The following ZNF276 variants were observed in gnomAD, a reference collection of about 807,000 sequenced individuals.
ZNF276 encodes centromere protein Z.
ZNF276 carries 59 observed loss-of-function variants against 63.9 expected under a neutral mutation model. The ratio of observed to expected loss-of-function variants is 0.92; its 90% CI spans 0.75 to 1.15. The LOEUF (loss-of-function observed/expected upper bound fraction) is 1.15. ZNF276 is among the 50% of genes most tolerant of loss of function. The pLI, the probability that ZNF276 is intolerant of heterozygous loss-of-function variation, is 0.00. For missense variants in ZNF276, 1,084 were observed against 843.8 expected (o/e 1.28, Z -3.53); for synonymous variants, 496 against 348.4 (o/e 1.42, Z -4.72).
chr16:89,738,243 C>T lies in ZNF276; in HGVS notation c.1842C>T (p.Thr614=), dbSNP rs1378007772. 9 of 1,598,826 alleles carry T rather than the reference C, an allele frequency of 5.6e-6. No individual in the cohort carries two copies. In the South Asian group the frequency reaches 9.0e-5, roughly 16 times the overall value. ...TEGQAVKPEP[T] ...GCCAGGCGGTGAAGCCCGAACCCAC[C>T]TGAGGACGGCAGTGAGGATGAGCAC... Residue 614 remains threonine, a synonymous_variant, in exon 11 of 11, where the codon ACC becomes ACT. Coordinates refer to ENST00000443381, the MANE Select transcript of ZNF276 (RefSeq NM_001113525.2).
chr16:89,737,951 CT>C, intron 10 of ZNF276, 24 bp from the exon 11 acceptor site: 1 of 1,614,072 alleles, frequency 6.2e-7, no homozygotes. Context: ...GCCCTCGCAC[CT>C]TCTTATCTGC....
In ZNF276 at chr16:89,723,532, T is replaced by C; in HGVS notation, c.829T>C (p.Trp277Arg). 6.2e-7 allele frequency: 1 copy of C among 1,612,626 alleles called. No individual in the cohort carries two copies. Residue 277 changes from tryptophan (W) to arginine (R), a missense_variant, in exon 4 of 11, where the codon TGG (tryptophan) becomes CGG (arginine). Coordinates refer to ENST00000443381, the MANE Select transcript of ZNF276 (RefSeq NM_001113525.2). ...GCCACGGCTGCCCCAGCACCGAGGG[T>C]GGAACCCTGGGGATGCCCCTCAGAC... ...TAPRLPQHRG[W>R]NPGDAPQTSQ...
chr16:89,733,232 T>C, intron 6 of ZNF276, 70 bp from the exon 7 acceptor site: 1 of 1,387,034 alleles, frequency 7.2e-7, no homozygotes, highest in Non-Finnish European at 1.0e-6. Flanking sequence ...ATTTCTCAGG[T>C]TGGAGAGACA....
rs1424046556 is a variant in ZNF276 at position 89,738,533 on chromosome 16, A to G, written c.*287A>G. The stretch of plus-strand genomic sequence containing the variant: ...GTAATCCACTTTTTAGTGCAACAAG[A>G]GCTCCATGTTATGCTTGTAATAAAT... On this transcript the variant is annotated 3_prime_UTR_variant, in exon 11 of 11. Transcript: ENST00000443381. 8 of 1,604,832 alleles carry G rather than the reference A, an allele frequency of 5.0e-6. No individual in the cohort carries two copies. In the Admixed American group the frequency reaches 1.3e-4, roughly 27 times the overall value.
In ZNF276 at chr16:89,740,172, A is replaced by T; in HGVS notation, c.*1926A>T. 1 of 1,138,392 alleles carries T rather than the reference A, an allele frequency of 8.8e-7. No homozygotes were observed. The highest frequency in any genetic ancestry group is 1.3e-6 in the Non-Finnish European group (1 of 747,356). The allele number at this position is 1,138,392 out of a possible 1,614,324, so 70.5% of individuals were successfully genotyped here. On this transcript the variant is annotated 3_prime_UTR_variant, in exon 11 of 11. Coordinates refer to ENST00000443381, the MANE Select transcript of ZNF276 (RefSeq NM_001113525.2). ...CCATGGGTAGGAGGGTACAGCCCTCAGCACAGAAGAGGGCATTTCCTCTTT... is the reference window on the plus strand; with the variant it reads ...CCATGGGTAGGAGGGTACAGCCCTCTGCACAGAAGAGGGCATTTCCTCTTT...
chr16:89,737,250 G>T (rs1170828315), intron 9 of ZNF276, among the ~76,000 whole-genome samples: 1 of 152,116 alleles, frequency 6.6e-6, no homozygotes, highest in South Asian at 2.1e-4. Flanking sequence ...GGCCAGGCAC[G>T]GTGGCTCACA....
chr16:89,722,895 G>C, intron 2 of ZNF276, 61 bp downstream of exon 2: 1 of 1,569,656 alleles, frequency 6.4e-7, no homozygotes, highest in Non-Finnish European at 8.6e-7. Context: ...GACGGGTGTT[G>C]AGAGAGGGAC....
chr16:89,733,029 C>G, intron 6 of ZNF276: 1 of 465,304 alleles, frequency 2.1e-6, no homozygotes, highest in Non-Finnish European at 4.0e-6. Context: ...TGTGTTTGCC[C>G]TGACCCTGCT....
chr16:89,722,890 G>C (rs567455815), intron 2 of ZNF276, 56 bp downstream of exon 2: 3 of 1,572,422 alleles, frequency 1.9e-6, no homozygotes, highest in East Asian at 4.5e-5. Flanking sequence ...AGTGTGACGG[G>C]TGTTGAGAGA....
chr16:89,720,511 G>C, upstream of ZNF276: 1 of 1,144,674 alleles, frequency 8.7e-7, no homozygotes, highest in African/African-American at 1.6e-5. Flanking sequence ...TACAGGTGGA[G>C]CCCAGGCTGT....
chr16:89,738,570 G>C lies in ZNF276; in HGVS notation c.*324G>C, dbSNP rs2062027301. 3.1e-6 allele frequency: 5 copies of C among 1,612,922 alleles called. No individual in the cohort carries two copies. Among genetic ancestry groups the C allele is most frequent in the Non-Finnish European group, 4.2e-6 (5 of 1,180,008 alleles). ...TGCTTGTAATAAATTATTTACACGG[G>C]AGCTGGGCTGGTGTGCAGTGGCAGG... On this transcript the variant is annotated 3_prime_UTR_variant, in exon 11 of 11. Transcript: ENST00000443381.
upstream of ZNF276, chr16:89,721,322 C>T (rs2061262070): frequency 3.6e-6 from 1 of 278,504 alleles, no homozygotes; most frequent in East Asian, 6.3e-5. Flanking sequence ...GAGGACTCGT[C>T]GTGAGGTGTC....
rs765933248 is a variant in ZNF276, at chr16:89,729,332, C to G, written c.1169+14C>G. On this transcript the variant is annotated intron_variant, in intron 6 of 10. Coordinates refer to ENST00000443381, the MANE Select transcript of ZNF276 (RefSeq NM_001113525.2). ...CCCAGAAAGGAAGTAAGTGGGCAGC[C>G]CGGGGTCTGCTGGAGGCATCCGTTG... 14 of 1,613,594 alleles carry G rather than the reference C, an allele frequency of 8.7e-6. No individual in the cohort carries two copies. In the East Asian group the frequency reaches 2.9e-4, roughly 33 times the overall value.
chr16:89,730,487 C>G (rs937771500), intron 6 of ZNF276, among the ~76,000 whole-genome samples: 1 of 152,156 alleles, frequency 6.6e-6, no homozygotes, highest in Non-Finnish European at 1.5e-5. Context: ...GAGGCAGATT[C>G]AGGAGGGGAG....
chr16:89,739,457 CAGCCCT>C lies in ZNF276; in HGVS notation c.*1212_*1217del, dbSNP rs767060427. 7.1e-6 allele frequency: 11 copies of C among 1,552,142 alleles called. No individual in the cohort carries two copies. Among genetic ancestry groups the C allele is most frequent in the Non-Finnish European group, 9.6e-6 (11 of 1,147,988 alleles). On this transcript the variant is annotated 3_prime_UTR_variant, in exon 11 of 11. Coordinates refer to ENST00000443381, the MANE Select transcript of ZNF276 (RefSeq NM_001113525.2). ...CTGGGAAACACTGCCCAGCCCTGAC[CAGCCCT>C]GTGGGTGGAGGTACCTGTAAAAAGC...
At chr16:89,723,027 A>G (rs2151660802) in intron 2 of ZNF276, 110 bp from the exon 3 acceptor site, 3 of 1,603,460 alleles carry the variant, frequency 1.9e-6, no homozygotes, top group Non-Finnish European at 2.6e-6. Flanking sequence ...GGGAAGAGAA[A>G]GTTGCCTATG....
chr16:89,738,132 C>A lies in ZNF276; in HGVS notation c.1731C>A (p.His577Gln), dbSNP rs1323346918. Residue 577 changes from histidine (H) to glutamine (Q), a missense_variant, in exon 11 of 11, where the codon CAC becomes CAA. His to Gln is a conservative substitution (Grantham distance 24). Transcript: ENST00000443381. ...HNLNVHMSMV[H>Q]PLTQTQDKAL... ...TCAATGTACACATGTCCATGGTGCA[C>A]CCGCTGACACAGACCCAGGACAAGG... is the stretch of plus-strand genomic sequence containing the variant. The A allele has an allele frequency of 1.2e-6, 2 of 1,613,770 alleles. No homozygotes were observed. The highest frequency in any genetic ancestry group is 1.7e-6 in the Non-Finnish European group (2 of 1,180,032).
intron 5 of ZNF276, among the ~76,000 whole-genome samples, chr16:89,728,686 G>A (rs1462672506): frequency 6.6e-6 from 1 of 152,138 alleles, no homozygotes; most frequent in Non-Finnish European, 1.5e-5. Flanking sequence ...ACAGGTGTTA[G>A]CCACCGCACC....
Position 89,740,892 on chromosome 16 carries a change from A to C in ZNF276, c.*2646A>C. On this transcript the variant is annotated 3_prime_UTR_variant, in exon 11 of 11. Coordinates refer to ENST00000443381, the MANE Select transcript of ZNF276 (RefSeq NM_001113525.2). ...CTGTAAATAAAAACGTGCACTTATTATTACATTAAAATTACCTGTGCTGTC... is the reference window on the plus strand; with the variant it reads ...CTGTAAATAAAAACGTGCACTTATTCTTACATTAAAATTACCTGTGCTGTC... The C allele has an allele frequency of 6.3e-7, 1 of 1,589,012 alleles. No homozygotes were observed. The highest frequency in any genetic ancestry group is 2.3e-5 in the East Asian group (1 of 43,992).
Sources: gnomAD v4.1 joint callset for allele counts (sites outside exome capture counted in the v4.1 genomes callset) on GRCh38, gnomAD v4.1.1 for gene constraint, MANE v1.5 for transcripts, NCBI Gene and HGNC (gene_info 2026-07-23, HGNC 2026-07-21) for gene names.